TAS2R1: variants seen among roughly 807,000 people sequenced by gnomAD.
TAS2R1 encodes the protein taste receptor type 2 member 1.
For missense variants in TAS2R1, 370 were observed against 353.4 expected (o/e 1.05, Z -0.38); for synonymous variants, 141 against 134.2 (o/e 1.05, Z -0.35).
At chr5:9,887,716 T>C in the TAS2R1 span, among the ~76,000 whole-genome samples, 1 of 152,236 alleles carries the variant, frequency 6.6e-6, no homozygotes, top group Non-Finnish European at 1.5e-5. Context: ...GCATGGACCC[T>C]GTCCTCGAGG....
the TAS2R1 span, among the ~76,000 whole-genome samples, chr5:9,845,218 C>G: frequency 1.7e-3 from 252 of 152,212 alleles, no homozygotes; most frequent in African/African-American, 5.9e-3. Context: ...CCCTCCACCC[C>G]ACATGCACCA....
At chr5:9,835,039 G>A in the TAS2R1 span, among the ~76,000 whole-genome samples, 2 of 152,082 alleles carry the variant, frequency 1.3e-5, no homozygotes, top group East Asian at 1.9e-4. Flanking sequence ...ATTGTCTGCC[G>A]ACCCCTAGGG....
chr5:9,879,421 G>C, the TAS2R1 span, among the ~76,000 whole-genome samples: 1 of 152,170 alleles, frequency 6.6e-6, no homozygotes, highest in Non-Finnish European at 1.5e-5. Flanking sequence ...GGTGGTGAGG[G>C]ACATCTGCAA....
chr5:9,771,380 A>C, the TAS2R1 span, among the ~76,000 whole-genome samples: 1 of 152,150 alleles, frequency 6.6e-6, no homozygotes, highest in Non-Finnish European at 1.5e-5. Flanking sequence ...CTTGATTATG[A>C]TGAATTATCT....
the TAS2R1 span, among the ~76,000 whole-genome samples, chr5:9,861,916 G>A: frequency 1.3e-5 from 2 of 152,202 alleles, no homozygotes; most frequent in African/African-American, 2.4e-5. Flanking sequence ...CAGAGCTAAC[G>A]CACACTTAAG....
the TAS2R1 span, among the ~76,000 whole-genome samples, chr5:9,775,772 T>C: frequency 1.3e-5 from 2 of 151,734 alleles, no homozygotes; most frequent in Admixed American, 6.5e-5. Context: ...CAGGACTCTG[T>C]TGGGTGCCCC....
At chr5:9,728,422 A>T in the TAS2R1 span, among the ~76,000 whole-genome samples, 1 of 152,256 alleles carries the variant, frequency 6.6e-6, no homozygotes, top group Non-Finnish European at 1.5e-5. Flanking sequence ...AAGTGCTTTT[A>T]GACAAAATAG....
intron 2 of TAS2R1, among the ~76,000 whole-genome samples, chr5:9,645,051 C>A (rs987870084): frequency 2.0e-5 from 3 of 152,030 alleles, no homozygotes; most frequent in Admixed American, 6.6e-5. Context: ...TTTCTTATTT[C>A]TATGCACCAG....
At chr5:9,688,473 A>G (rs1741171925) in intron 1 of TAS2R1, among the ~76,000 whole-genome samples, 1 of 152,136 alleles carries the variant, frequency 6.6e-6, no homozygotes, top group African/African-American at 2.4e-5. Context: ...TGACCTCCTC[A>G]TCCCTGTCTG....
intron 1 of TAS2R1, among the ~76,000 whole-genome samples, chr5:9,711,655 C>A (rs1480352235): frequency 6.6e-6 from 1 of 152,026 alleles, no homozygotes; most frequent in Admixed American, 6.6e-5. Flanking sequence ...GAACAGACTT[C>A]ATGTTGTATT....
the TAS2R1 span, among the ~76,000 whole-genome samples, chr5:9,874,513 T>C: frequency 2.0e-5 from 3 of 152,202 alleles, no homozygotes; most frequent in Non-Finnish European, 4.4e-5. Flanking sequence ...GGATCCTATT[T>C]CATTTTCTGG....
At chr5:9,853,846 A>G in the TAS2R1 span, among the ~76,000 whole-genome samples, 4 of 152,188 alleles carry the variant, frequency 2.6e-5, no homozygotes, top group African/African-American at 9.6e-5. Context: ...GAGAGCAATT[A>G]TAAGGTCAAT....
chr5:9,698,371 G>T (rs1741401954), intron 1 of TAS2R1, among the ~76,000 whole-genome samples: 1 of 152,138 alleles, frequency 6.6e-6, no homozygotes, highest in Non-Finnish European at 1.5e-5. Flanking sequence ...ATTTATGTTT[G>T]ATCACTACAG....
chr5:9,646,929 G>T (rs1350395947), intron 2 of TAS2R1, among the ~76,000 whole-genome samples: 4 of 152,130 alleles, frequency 2.6e-5, no homozygotes, highest in African/African-American at 7.2e-5. Context: ...TCTTTAGGAA[G>T]TCATTGCTAG....
the TAS2R1 span, among the ~76,000 whole-genome samples, chr5:9,753,591 C>T: frequency 6.1e-3 from 926 of 152,170 alleles, 11 homozygotes; most frequent in Non-Finnish European, 7.1e-3. Flanking sequence ...GTTGCCATTG[C>T]TTTTGGTGTT....
intron 1 of TAS2R1, among the ~76,000 whole-genome samples, chr5:9,676,949 T>C (rs1740888569): frequency 6.6e-6 from 1 of 152,156 alleles, no homozygotes; most frequent in Non-Finnish European, 1.5e-5. Context: ...TAAAGACACA[T>C]GCACATGTAT....
At chr5:9,776,741 TC>T in the TAS2R1 span, among the ~76,000 whole-genome samples, 1 of 152,138 alleles carries the variant, frequency 6.6e-6, no homozygotes, top group African/African-American at 2.4e-5. Flanking sequence ...ATGGCCAGAC[TC>T]CCCACACCAC....
intron 2 of TAS2R1, among the ~76,000 whole-genome samples, chr5:9,657,851 C>G (rs1437511017): frequency 6.6e-6 from 1 of 152,144 alleles, no homozygotes; most frequent in Non-Finnish European, 1.5e-5. Context: ...TGTTACTGAA[C>G]TGTACACTGA....
chr5:9,761,084 T>G, the TAS2R1 span: 1 of 152,280 alleles, frequency 6.6e-6, no homozygotes, highest in East Asian at 1.9e-4. Context: ...AATAAGAGAA[T>G]AACAAGGTCA....
Sources: gnomAD v4.1 joint callset for allele counts (sites outside exome capture counted in the v4.1 genomes callset) on GRCh38, gnomAD v4.1.1 for gene constraint, MANE v1.5 for transcripts, NCBI Gene and HGNC (gene_info 2026-07-23, HGNC 2026-07-21) for gene names.